Variants in URI1 observed in about 807,000 individuals in gnomAD.
URI1 encodes URI1 prefoldin like chaperone.
A neutral mutation model predicts 60.2 loss-of-function variants in URI1; 39 were observed. That is an observed-to-expected ratio of 0.65 (90% CI 0.50 to 0.85). The LOEUF is 0.85. Among genes scored for constraint, URI1 ranks in the 40% least tolerant of loss-of-function variants. The pLI, the probability that URI1 is intolerant of heterozygous loss-of-function variation, is 0.00. For synonymous variants in URI1, 251 were observed against 236.8 expected (o/e 1.06, Z -0.55); for missense variants, 691 against 665.9 (o/e 1.04, Z -0.42).
intron 4 of URI1, among the ~76,000 whole-genome samples, chr19:29,992,651 A>T (rs573085995): frequency 6.6e-6 from 1 of 152,344 alleles, no homozygotes; most frequent in Non-Finnish European, 1.5e-5. Context: ...ACGTGAACTT[A>T]AAAGTTTTAC....
intron 9 of URI1, 77 bp from the exon 10 acceptor site, chr19:30,012,208 C>A: frequency 2.0e-6 from 3 of 1,470,914 alleles, no homozygotes; most frequent in East Asian, 2.3e-5. Flanking sequence ...AGAATAGATT[C>A]AAGGAAATTT....
chr19:30,013,714 T>G (rs1193884702), intron 10 of URI1, among the ~76,000 whole-genome samples: 1 of 152,138 alleles, frequency 6.6e-6, no homozygotes, highest in African/African-American at 2.4e-5. Context: ...TTGGAAGATA[T>G]CCTTTTCAGT....
chr19:30,007,032 C>A (rs1441315376), intron 6 of URI1, among the ~76,000 whole-genome samples: 1 of 152,060 alleles, frequency 6.6e-6, no homozygotes, highest in Non-Finnish European at 1.5e-5. Context: ...TTGCACGTTA[C>A]TGTAGTAACT....
chr19:29,971,530 C>CT (rs1238505048), intron 2 of URI1, among the ~76,000 whole-genome samples: 1 of 151,574 alleles, frequency 6.6e-6, no homozygotes, highest in Non-Finnish European at 1.5e-5. Context: ...TTGAATGTGA[C>CT]TTAGCTCTAT....
intron 1 of URI1, chr19:29,925,822 A>G (rs2054860420): frequency 6.6e-6 from 1 of 152,252 alleles, no homozygotes; most frequent in Admixed American, 6.5e-5. Flanking sequence ...ACTGGGCACT[A>G]CAAATTATGT....
At chr19:29,968,894 G>A (rs1350079431) in intron 1 of URI1, among the ~76,000 whole-genome samples, 1 of 150,846 alleles carries the variant, frequency 6.6e-6, no homozygotes, top group African/African-American at 2.4e-5. Context: ...TTTTTCTTTT[G>A]AATAACTTGC....
intron 2 of URI1, among the ~76,000 whole-genome samples, chr19:29,976,496 A>G (rs1235618542): frequency 6.6e-6 from 1 of 152,216 alleles, no homozygotes; most frequent in African/African-American, 2.4e-5. Flanking sequence ...GGAAGCTGCA[A>G]GGCCACGTTA....
chr19:29,986,416 ACGTAGGTACC>A lies in URI1; in HGVS notation c.367+1_367+10del. 1 of 1,605,194 alleles carries A rather than the reference ACGTAGGTACC, an allele frequency of 6.2e-7. No individual in the cohort carries two copies. Among genetic ancestry groups the A allele is most frequent in the South Asian group, 1.1e-5 (1 of 89,056 alleles). Reference sequence around the variant, plus strand: ...TAGGTTTAGTTGAGCACCGGAAAGAACGTAGGTACCCATTTTAAATGATGTTTCTTTGTTG... The same window carrying A: ...TAGGTTTAGTTGAGCACCGGAAAGAACATTTTAAATGATGTTTCTTTGTTG... On this transcript the variant is annotated splice_donor_variant and splice_donor_5th_base_variant and coding_sequence_variant and intron_variant, in exon 4 of 11. Coordinates refer to ENST00000392271, the MANE Select transcript of URI1 (RefSeq NM_003796.3). LOFTEE classifies it high-confidence loss of function.
At chr19:30,011,282 T>G (rs547358947) in intron 9 of URI1, 46 bp downstream of exon 9, 1 of 1,546,812 alleles carries the variant, frequency 6.5e-7, no homozygotes, top group East Asian at 2.3e-5. Flanking sequence ...GGCTTGCCTC[T>G]CTTTCTGCCA....
chr19:29,974,517 C>T (rs2055497274), intron 2 of URI1, among the ~76,000 whole-genome samples: 1 of 152,118 alleles, frequency 6.6e-6, no homozygotes, highest in African/African-American at 2.4e-5. Context: ...CTTTGATAAT[C>T]ATCAACTCAT....
At chr19:29,970,424 T>C (rs936941977) in intron 1 of URI1, among the ~76,000 whole-genome samples, 1 of 152,100 alleles carries the variant, frequency 6.6e-6, no homozygotes, top group Non-Finnish European at 1.5e-5. Context: ...TCTTAAATTG[T>C]CATTCAAAAA....
upstream of URI1, among the ~76,000 whole-genome samples, chr19:29,939,009 C>A (rs181392301): frequency 1.6e-4 from 22 of 136,874 alleles, no homozygotes; most frequent in African/African-American, 6.1e-4. Flanking sequence ...AGGAGTTTCA[C>A]TCTTGTTGCC....
chr19:29,962,220 A>T (rs981037625), intron 1 of URI1, among the ~76,000 whole-genome samples: 1 of 149,216 alleles, frequency 6.7e-6, no homozygotes, highest in African/African-American at 2.4e-5. Context: ...ATGGTTCCCC[A>T]TTATAGTTCT....
intron 2 of URI1, among the ~76,000 whole-genome samples, chr19:29,976,675 G>A (rs553113890): frequency 6.6e-6 from 1 of 152,184 alleles, no homozygotes; most frequent in Non-Finnish European, 1.5e-5. Context: ...TATGTTGACT[G>A]GTGAGAATGA....
At chr19:29,976,188 C>T (rs1284953009) in intron 2 of URI1, among the ~76,000 whole-genome samples, 1 of 152,166 alleles carries the variant, frequency 6.6e-6, no homozygotes, top group East Asian at 1.9e-4. Context: ...GATGATATAT[C>T]TGTTATTTTA....
chr19:29,954,629 C>G (rs966519377), intron 1 of URI1, among the ~76,000 whole-genome samples: 17 of 151,718 alleles, frequency 1.1e-4, no homozygotes, highest in African/African-American at 4.1e-4. Flanking sequence ...ATTCTCCTGC[C>G]TCAGCCTCCC....
intron 4 of URI1, 134 bp from the exon 5 acceptor site, chr19:30,005,227 A>T: frequency 1.8e-6 from 1 of 554,868 alleles, no homozygotes; most frequent in Non-Finnish European, 3.2e-6. Flanking sequence ...TCCATTTAAA[A>T]GGAAAATAGT....
chr19:29,956,759 A>G (rs1358058913), intron 1 of URI1: 4 of 1,588,950 alleles, frequency 2.5e-6, no homozygotes, highest in Non-Finnish European at 3.5e-6. Context: ...CATGTTCTGT[A>G]CATGACTACA....
chr19:29,956,282 AGTC>A (rs1449056825), intron 1 of URI1: 1 of 692,384 alleles, frequency 1.4e-6, no homozygotes, highest in African/African-American at 2.0e-5. Flanking sequence ...GGCCCAGAGT[AGTC>A]TTTTTTTTTT....
Sources: gnomAD v4.1 joint callset for allele counts (sites outside exome capture counted in the v4.1 genomes callset) on GRCh38, gnomAD v4.1.1 for gene constraint, MANE v1.5 for transcripts, NCBI Gene and HGNC (gene_info 2026-07-23, HGNC 2026-07-21) for gene names.